Variants in LINGO2 observed in about 807,000 individuals in gnomAD.
The protein encoded by LINGO2 is leucine rich repeat and Ig domain containing 2, also known as leucine-rich repeat and immunoglobulin-like domain-containing nogo receptor-interacting protein 2.
In LINGO2, 14 loss-of-function variants were observed where a neutral mutation model predicts 30.6. The observed-to-expected ratio is 0.46, with a 90% CI of 0.30 to 0.72. The LOEUF is 0.72. Ranked by LOEUF, LINGO2 falls within the 30% of genes least tolerant of loss-of-function variation. The pLI is 0.07. For missense variants in LINGO2, 729 were observed against 751.7 expected (o/e 0.97, Z 0.35); for synonymous variants, 317 against 288.5 (o/e 1.10, Z -1.00).
chr9:29,032,232 T>C, the LINGO2 span, among the ~76,000 whole-genome samples: 1 of 152,172 alleles, frequency 6.6e-6, no homozygotes, highest in African/African-American at 2.4e-5. Flanking sequence ...TATTTCTAAA[T>C]TGAAGACAAA....
chr9:28,107,097 TTTCC>T (rs1277850945), intron 4 of LINGO2, among the ~76,000 whole-genome samples: 2 of 152,156 alleles, frequency 1.3e-5, no homozygotes, highest in Non-Finnish European at 2.9e-5. Context: ...CTCCAGATGG[TTTCC>T]TTGTCTTCCC....
the LINGO2 span, among the ~76,000 whole-genome samples, chr9:29,145,146 T>G: frequency 3.3e-5 from 5 of 152,190 alleles, no homozygotes; most frequent in Admixed American, 1.3e-4. Flanking sequence ...TAGCAGCTGT[T>G]GTTCAGAGCA....
chr9:28,660,231 A>G (rs1252546307), intron 1 of LINGO2, among the ~76,000 whole-genome samples: 4 of 152,142 alleles, frequency 2.6e-5, no homozygotes, highest in Non-Finnish European at 5.9e-5. Flanking sequence ...TAGTGTTTAT[A>G]TTAGAAATTA....
At chr9:29,137,803 T>C in the LINGO2 span, among the ~76,000 whole-genome samples, 1 of 152,072 alleles carries the variant, frequency 6.6e-6, no homozygotes, top group Non-Finnish European at 1.5e-5. Context: ...AATGGCAGGC[T>C]CCCTTCCTGT....
chr9:28,554,310 C>A (rs1387618442), intron 1 of LINGO2, among the ~76,000 whole-genome samples: 1 of 149,648 alleles, frequency 6.7e-6, no homozygotes, highest in Non-Finnish European at 1.5e-5. Context: ...GAAGATCTAC[C>A]AAGCCAATGG....
chr9:28,752,240 C>G, the LINGO2 span, among the ~76,000 whole-genome samples: 2 of 151,888 alleles, frequency 1.3e-5, no homozygotes, highest in African/African-American at 4.8e-5. Flanking sequence ...GTAACAAATA[C>G]AGGTAGAATT....
intron 2 of LINGO2, among the ~76,000 whole-genome samples, chr9:28,417,094 T>TA (rs5897298): frequency 0.33 from 50,035 of 151,014 alleles, 8,763 homozygotes; most frequent in Middle Eastern, 0.4. Flanking sequence ...GGAGTTCAGA[T>TA]AAAAAAAAAG....
chr9:28,536,084 A>G (rs1294086826), intron 1 of LINGO2, among the ~76,000 whole-genome samples: 2 of 152,268 alleles, frequency 1.3e-5, no homozygotes, highest in East Asian at 3.9e-4. Flanking sequence ...GGTTTGGGGT[A>G]TCCTTGACTA....
chr9:28,410,946 G>A (rs10968572), intron 2 of LINGO2, among the ~76,000 whole-genome samples: 21,978 of 152,014 alleles, frequency 0.14, 1,754 homozygotes, highest in East Asian at 0.32. Flanking sequence ...CTTACCAATT[G>A]CTTTCCCCTC....
At chr9:28,823,511 G>T in the LINGO2 span, among the ~76,000 whole-genome samples, 4 of 152,158 alleles carry the variant, frequency 2.6e-5, no homozygotes, top group Non-Finnish European at 5.9e-5. Flanking sequence ...CTTTGTGACT[G>T]CTTTGATCAC....
At chr9:28,051,320 C>A (rs1824662237) in intron 4 of LINGO2, among the ~76,000 whole-genome samples, 1 of 152,058 alleles carries the variant, frequency 6.6e-6, no homozygotes, top group East Asian at 1.9e-4. Context: ...TCCGTCTCTG[C>A]AGAAAAGTTT....
intron 1 of LINGO2, among the ~76,000 whole-genome samples, chr9:28,598,285 A>T (rs563593325): frequency 6.6e-5 from 10 of 152,206 alleles, no homozygotes; most frequent in African/African-American, 2.4e-4. Context: ...TCTTACACTC[A>T]TTCATACTTT....
intron 2 of LINGO2, among the ~76,000 whole-genome samples, chr9:28,389,940 G>C (rs1371494925): frequency 6.6e-6 from 1 of 152,126 alleles, no homozygotes; most frequent in Non-Finnish European, 1.5e-5. Context: ...CTGGTTTCAT[G>C]TTCCAACATT....
intron 3 of LINGO2, among the ~76,000 whole-genome samples, chr9:28,327,508 A>C (rs1018019591): frequency 6.6e-6 from 1 of 152,218 alleles, no homozygotes; most frequent in Non-Finnish European, 1.5e-5. Flanking sequence ...GCTTAGTCCA[A>C]CAGCAGTTCT....
chr9:28,628,232 A>C (rs1218589842), intron 1 of LINGO2, among the ~76,000 whole-genome samples: 1 of 151,410 alleles, frequency 6.6e-6, no homozygotes, highest in African/African-American at 2.4e-5. Flanking sequence ...CTTAACTAGC[A>C]TAGAAAAAGT....
the LINGO2 span, among the ~76,000 whole-genome samples, chr9:29,164,719 C>T: frequency 1.3e-5 from 2 of 152,006 alleles, no homozygotes; most frequent in Non-Finnish European, 2.9e-5. Context: ...CACATACACA[C>T]ACACACAAAC....
At chr9:29,098,893 A>G in the LINGO2 span, among the ~76,000 whole-genome samples, 1 of 152,178 alleles carries the variant, frequency 6.6e-6, no homozygotes, top group Non-Finnish European at 1.5e-5. Flanking sequence ...TAAAATTTAT[A>G]TGGAACCACA....
intron 2 of LINGO2, among the ~76,000 whole-genome samples, chr9:28,392,199 C>T (rs1249670185): frequency 6.6e-6 from 1 of 152,140 alleles, no homozygotes; most frequent in Non-Finnish European, 1.5e-5. Flanking sequence ...GAGGCTCCAT[C>T]TCAAAAATAA....
intron 1 of LINGO2, among the ~76,000 whole-genome samples, chr9:28,596,310 G>A (rs891859461): frequency 6.6e-6 from 1 of 152,104 alleles, no homozygotes; most frequent in Admixed American, 6.6e-5. Flanking sequence ...AAGTGACTTA[G>A]TCTATTCAAT....
Sources: gnomAD v4.1 joint callset for allele counts (sites outside exome capture counted in the v4.1 genomes callset) on GRCh38, gnomAD v4.1.1 for gene constraint, MANE v1.5 for transcripts, NCBI Gene and HGNC (gene_info 2026-07-23, HGNC 2026-07-21) for gene names.